Variants in COP1 observed in about 807,000 individuals in gnomAD.
The protein encoded by COP1 is E3 ubiquitin-protein ligase COP1.
A neutral mutation model predicts 101.3 loss-of-function variants in COP1; 24 were observed. That is an observed-to-expected ratio of 0.24 (90% CI 0.17 to 0.33). The LOEUF (loss-of-function observed/expected upper bound fraction) is 0.33, where lower values mean the gene tolerates loss of function less well. COP1 is among the 10% of genes least tolerant of loss of function. COP1 has a pLI of 1.00. For synonymous variants in COP1, 347 were observed against 341.9 expected, an observed-to-expected ratio of 1.01 and a Z score of -0.17; for missense variants, 663 against 906.2, an observed-to-expected ratio of 0.73 and a Z score of 3.45.
At chr1:176,077,596 C>A (rs951246846) in intron 11 of COP1, among the ~76,000 whole-genome samples, 1 of 152,080 alleles carries the variant, frequency 6.6e-6, no homozygotes. Flanking sequence ...TAAAACAAGA[C>A]AAGGATGCCC....
intron 18 of COP1, chr1:175,968,503 T>C: frequency 1.9e-6 from 1 of 519,034 alleles, no homozygotes; most frequent in Non-Finnish European, 3.8e-6. Flanking sequence ...AAGGCATTTT[T>C]TCATTTGTCC....
chr1:176,188,118 C>T (rs186366393), intron 1 of COP1, among the ~76,000 whole-genome samples: 1 of 152,012 alleles, frequency 6.6e-6, no homozygotes, highest in Admixed American at 6.5e-5. Flanking sequence ...GCTGAATTTC[C>T]CAGCCTCCAC....
chr1:176,153,222 C>G (rs1169017078), intron 5 of COP1, among the ~76,000 whole-genome samples: 8 of 152,098 alleles, frequency 5.3e-5, no homozygotes, highest in Admixed American at 1.3e-4. Flanking sequence ...AGCAGGTAGG[C>G]TTGTCACTTA....
At chr1:176,184,167 G>A (rs1698149855) in intron 2 of COP1, among the ~76,000 whole-genome samples, 1 of 152,052 alleles carries the variant, frequency 6.6e-6, no homozygotes. Context: ...TTTGATGTAT[G>A]AGTTAACCTG....
At chr1:176,177,188 C>T (rs1697074977) in intron 2 of COP1, among the ~76,000 whole-genome samples, 1 of 151,714 alleles carries the variant, frequency 6.6e-6, no homozygotes. Flanking sequence ...ATAGTTATTG[C>T]TAGAGAACTG....
intron 9 of COP1, among the ~76,000 whole-genome samples, chr1:176,109,709 T>G (rs1417353203): frequency 6.6e-6 from 1 of 152,204 alleles, no homozygotes; most frequent in African/African-American, 2.4e-5. Flanking sequence ...TATTTTACAT[T>G]CTTCTTTAAA....
chr1:176,012,909 C>A (rs576610064), intron 15 of COP1, among the ~76,000 whole-genome samples: 13 of 152,208 alleles, frequency 8.5e-5, no homozygotes, highest in African/African-American at 3.1e-4. Flanking sequence ...CAGAATGCAT[C>A]CCCATCCTTG....
At chr1:176,186,727 T>C (rs1236757077) in intron 1 of COP1, among the ~76,000 whole-genome samples, 2 of 152,144 alleles carry the variant, frequency 1.3e-5, no homozygotes, top group Non-Finnish European at 2.9e-5. Context: ...GGAAGCCAAG[T>C]GTAGAAATGG....
intron 18 of COP1, among the ~76,000 whole-genome samples, chr1:175,971,894 A>G (rs1653312344): frequency 6.6e-6 from 1 of 152,112 alleles, no homozygotes; most frequent in Non-Finnish European, 1.5e-5. Flanking sequence ...CCAACAGACC[A>G]TAGAGAGCCT....
intron 11 of COP1, among the ~76,000 whole-genome samples, chr1:176,069,825 T>A (rs1676655903): frequency 6.6e-6 from 1 of 152,218 alleles, no homozygotes; most frequent in Non-Finnish European, 1.5e-5. Context: ...ATCTGTAAGA[T>A]CTCATGATCT....
chr1:176,177,680 T>A (rs1196549402), intron 2 of COP1, among the ~76,000 whole-genome samples: 1 of 152,192 alleles, frequency 6.6e-6, no homozygotes, highest in Non-Finnish European at 1.5e-5. Context: ...AGTACCTCTT[T>A]TATTACGTAT....
chr1:176,098,981 A>G (rs1022866392), intron 9 of COP1, among the ~76,000 whole-genome samples: 6 of 152,214 alleles, frequency 3.9e-5, no homozygotes, highest in Non-Finnish European at 8.8e-5. Context: ...TACTACTAAT[A>G]TATGTTTCAA....
Position 175,973,769 on chromosome 1 carries a change from T to C in COP1, c.2133+13174A>G, listed in dbSNP as rs146503271. Among the ~76,000 whole-genome samples the C allele has an allele frequency of 5.3e-5, 8 of 152,328 alleles. No homozygotes were observed. In the East Asian group the frequency reaches 1.5e-3, roughly 29 times the overall value. On this transcript the variant is annotated intron_variant, in intron 18 of 19. Transcript: ENST00000367669. The stretch of plus-strand genomic sequence containing the variant: ...CTACCCAATGAACACTCTAATATTT[T>C]TGTGGCTACAAAACTCAGCATTGTG...
At chr1:176,005,211 T>C (rs570974913) in intron 15 of COP1, among the ~76,000 whole-genome samples, 29 of 152,260 alleles carry the variant, frequency 1.9e-4, no homozygotes, top group African/African-American at 7.0e-4. Context: ...CCGTTTATCA[T>C]TTTTTATTGC....
intron 8 of COP1, among the ~76,000 whole-genome samples, chr1:176,130,352 A>G (rs1688687878): frequency 6.6e-6 from 1 of 151,756 alleles, no homozygotes; most frequent in Non-Finnish European, 1.5e-5. Context: ...ATGCTTGCCT[A>G]CCAATCTCTA....
intron 3 of COP1, 78 bp from the exon 4 acceptor site, chr1:176,163,969 TAG>T: frequency 1.1e-6 from 1 of 907,988 alleles, no homozygotes; most frequent in Non-Finnish European, 1.7e-6. Context: ...TCGGTTTAGA[TAG>T]ATTCTATTTT....
At chr1:176,150,216 T>C (rs1046501162) in intron 5 of COP1, among the ~76,000 whole-genome samples, 1 of 152,134 alleles carries the variant, frequency 6.6e-6, no homozygotes, top group African/African-American at 2.4e-5. Context: ...CTCTTGCAGA[T>C]CTTTGGATTT....
At chr1:176,024,540 T>C (rs1218697782) in intron 15 of COP1, among the ~76,000 whole-genome samples, 3 of 152,326 alleles carry the variant, frequency 2.0e-5, no homozygotes, top group South Asian at 2.1e-4. Context: ...CCATACTTAA[T>C]TGTGAAGGAC....
At chr1:176,068,826 G>C (rs1470418115) in intron 11 of COP1, among the ~76,000 whole-genome samples, 1 of 152,084 alleles carries the variant, frequency 6.6e-6, no homozygotes, top group African/African-American at 2.4e-5. Flanking sequence ...TTATCCAGAG[G>C]AAATGCAAAA....
Sources: allele counts gnomAD v4.1 joint callset (sites outside exome capture counted in the v4.1 genomes callset), GRCh38; gene constraint gnomAD v4.1.1; transcripts MANE v1.5; gene names NCBI Gene and HGNC (gene_info 2026-07-23, HGNC 2026-07-21).